HERC5: variants seen among roughly 807,000 people sequenced by gnomAD.
HERC5 encodes E3 ISG15--protein ligase HERC5.
A neutral mutation model predicts 119.6 loss-of-function variants in HERC5; 99 were observed. That is an observed-to-expected ratio of 0.83 (90% CI 0.70 to 0.98). The LOEUF is 0.98. Ranked by LOEUF, HERC5 falls within the 50% of genes least tolerant of loss-of-function variation. The pLI, the probability that HERC5 is intolerant of heterozygous loss-of-function variation, is 0.00. For missense variants in HERC5, 1,267 were observed against 1,241.3 expected (o/e 1.02, Z -0.31); for synonymous variants, 478 against 445.9 (o/e 1.07, Z -0.91).
In HERC5 at chr4:88,500,963, A is replaced by G. The variant is rs762160999; in HGVS notation, c.2560A>G (p.Ile854Val). 1.9e-5 allele frequency: 30 copies of G among 1,611,760 alleles called. No homozygotes were observed. Among genetic ancestry groups the G allele is most frequent in the South Asian group, 6.6e-5 (6 of 90,574 alleles). Residue 854 changes from isoleucine to valine, a missense_variant, in exon 20 of 23, where the codon ATA (isoleucine) becomes GTA (valine). Coordinates refer to ENST00000264350, the MANE Select transcript of HERC5 (RefSeq NM_016323.4). ...DTNLIPNGSSITVNQTNKRDY... is the reference protein window; with the variant it reads ...DTNLIPNGSSVTVNQTNKRDY... ...AAACTTAATTCCTAATGGAAGTAGC[A>G]TAACTGTCAACCAGACTAACAAGTA... is the stretch of plus-strand genomic sequence containing the variant.
chr4:88,491,555 G>A (rs564187036), intron 16 of HERC5, among the ~76,000 whole-genome samples: 83 of 152,326 alleles, frequency 5.4e-4, no homozygotes, highest in African/African-American at 1.8e-3. Flanking sequence ...TTGTGTCAAG[G>A]AAAAGGACAT....
In HERC5 at chr4:88,468,355, C is replaced by G. The variant is rs745689176; in HGVS notation, c.1067C>G (p.Thr356Ser). 2.5e-6 allele frequency: 4 copies of G among 1,609,266 alleles called. No individual in the cohort carries two copies. Among genetic ancestry groups the G allele is most frequent in the Non-Finnish European group, 2.5e-6 (3 of 1,177,370 alleles). The change falls in exon 8 of 23, where the codon ACC (threonine) becomes AGC (serine). Residue 356 changes from threonine (T) to serine (S), a missense_variant. Physicochemically the swap from Thr to Ser is moderately conservative, Grantham distance 58 (BLOSUM62 1). This residue lies in a region of HERC5 where 777 missense variants were observed against 758.0 expected (regional missense o/e 1.03). Transcript: ENST00000264350. The stretch of plus-strand genomic sequence containing the variant: ...TTGTGCATCCTTTCAGAAAGCCATA[C>G]CTCAGAAAAGGAGTTAATAATGATT... ...SSEELKLESH[T>S]SEKELIMIAG... is the part of the protein sequence containing the mutation.
chr4:88,477,745 A>G (rs1245791423), intron 12 of HERC5, among the ~76,000 whole-genome samples: 1 of 152,206 alleles, frequency 6.6e-6, no homozygotes, highest in Non-Finnish European at 1.5e-5. Context: ...GGGCATGAAT[A>G]GAGTTTAATG....
chr4:88,473,936 C>T (rs914925313), intron 11 of HERC5: 1 of 152,168 alleles, frequency 6.6e-6, no homozygotes, highest in Non-Finnish European at 1.5e-5. Context: ...TCCATTGTTT[C>T]AGAATAAGAT....
At chr4:88,503,753 A>G (rs1742015649) in intron 20 of HERC5, among the ~76,000 whole-genome samples, 2 of 152,178 alleles carry the variant, frequency 1.3e-5, no homozygotes, top group Non-Finnish European at 2.9e-5. Context: ...TATAAGCAGC[A>G]TATGATGGAG....
Position 88,489,219 on chromosome 4 carries a change from G to A in HERC5, c.2016G>A (p.Glu672=). The A allele has an allele frequency of 6.2e-7, 1 of 1,613,912 alleles. No homozygotes were observed. Among genetic ancestry groups the A allele is most frequent in the Non-Finnish European group, 8.5e-7 (1 of 1,179,904 alleles). ...LRSAAIEEER[E]SEFALRPTFD... is the part of the protein sequence containing the mutation. ...CGGCAGCAATTGAGGAAGAAAGAGAGTCTGAATTCGCTTTGAGGCCCACGT... is the reference window on the plus strand; with the variant it reads ...CGGCAGCAATTGAGGAAGAAAGAGAATCTGAATTCGCTTTGAGGCCCACGT... The change falls in exon 16 of 23, where the codon GAG becomes GAA. Residue 672 remains glutamate, a synonymous_variant. Coordinates refer to ENST00000264350, the MANE Select transcript of HERC5 (RefSeq NM_016323.4).
In HERC5 at chr4:88,504,758, A is replaced by G. The variant is rs528108820; in HGVS notation, c.2869+161A>G. ...TCCCAACATCAAAAAACAAATGTTA[A>G]TATCTATAAGCAATCTTTTCCCCTG... is the stretch of plus-strand genomic sequence containing the variant. On this transcript the variant is annotated intron_variant, in intron 22 of 22. Coordinates refer to ENST00000264350, the MANE Select transcript of HERC5 (RefSeq NM_016323.4). Among the ~76,000 whole-genome samples, 15 of 152,348 alleles carry G rather than the reference A, an allele frequency of 9.8e-5. No homozygotes were observed. The South Asian group carries it at 2.3e-3, about 23-fold the overall frequency.
At chr4:88,477,576 G>A (rs1338292531) in intron 12 of HERC5, among the ~76,000 whole-genome samples, 1 of 125,634 alleles carries the variant, frequency 8.0e-6, no homozygotes, top group African/African-American at 3.0e-5. Context: ...GGAGGGGAGG[G>A]GATGGGAAGG....
At chr4:88,473,223 G>T (rs1348700274) in intron 11 of HERC5, 1 of 151,730 alleles carries the variant, frequency 6.6e-6, no homozygotes, top group East Asian at 1.9e-4. Context: ...TTGATATGGG[G>T]ATACTACTTT....
rs1232146058 is a variant in HERC5, at chr4:88,499,984, C to A, written c.2503C>A (p.His835Asn). ...TAACTTTGAGGAAGTATTTTACATC[C>A]ATTTTAATGTGAGTAACAATAAAAG... ...GDNFEEVFYI[H>N]FNVHWDRNDT... is the part of the protein sequence containing the mutation. Residue 835 changes from histidine (H) to asparagine (N), a missense_variant, in exon 19 of 23, where the codon CAT (histidine) becomes AAT (asparagine). Physicochemically the swap from His to Asn is moderately conservative, Grantham distance 68. Coordinates refer to ENST00000264350, the MANE Select transcript of HERC5 (RefSeq NM_016323.4). 2 of 1,591,880 alleles carry A rather than the reference C, an allele frequency of 1.3e-6. No individual in the cohort carries two copies. The highest frequency in any genetic ancestry group is 1.1e-5 in the South Asian group (1 of 90,576).
intron 4 of HERC5, among the ~76,000 whole-genome samples, chr4:88,462,963 T>G (rs575269666): frequency 4.6e-5 from 7 of 152,350 alleles, no homozygotes; most frequent in African/African-American, 1.7e-4. Flanking sequence ...GCTGTGGTAC[T>G]GTATGCATTA....
At chr4:88,487,325 G>A (rs1178845649) in intron 15 of HERC5, 146 bp downstream of exon 15, 10 of 527,374 alleles carry the variant, frequency 1.9e-5, no homozygotes, top group Non-Finnish European at 3.1e-5. Flanking sequence ...TAATGAAGAC[G>A]GCAAGGCAGA....
Position 88,504,235 on chromosome 4 carries a change from A to C in HERC5, c.2586A>C (p.Arg862Ser). 1 of 1,580,054 alleles carries C rather than the reference A, an allele frequency of 6.3e-7. No individual in the cohort carries two copies. The highest frequency in any genetic ancestry group is 8.7e-7 in the Non-Finnish European group (1 of 1,155,168). ...ATAACATTTTGTTTTATTAAAGGAG[A>C]GACTATGTTTCTAAGTATATCAATT... ...SSITVNQTNK[R>S]DYVSKYINYI... The change falls in exon 21 of 23, where the codon AGA becomes AGC. Residue 862 changes from arginine to serine, a missense_variant. Coordinates refer to ENST00000264350, the MANE Select transcript of HERC5 (RefSeq NM_016323.4).
At chr4:88,486,262 A>C (rs1741461091) in intron 14 of HERC5, 34 bp downstream of exon 14, 2 of 1,271,228 alleles carry the variant, frequency 1.6e-6, no homozygotes, top group East Asian at 4.7e-5. Context: ...GGAAATTGAT[A>C]ATCAGTGAGT....
At chr4:88,457,922 A>T in intron 1 of HERC5, 12 of 1,014,222 alleles carry the variant, frequency 1.2e-5, no homozygotes, top group Non-Finnish European at 1.4e-5. Flanking sequence ...CAACTTTGGG[A>T]GTCGTTCTCA....
chr4:88,467,299 C>A, intron 7 of HERC5, 95 bp downstream of exon 7: 1 of 1,245,748 alleles, frequency 8.0e-7, no homozygotes, highest in Non-Finnish European at 1.1e-6. Flanking sequence ...CAACATATGA[C>A]TATGAAGGGA....
intron 11 of HERC5, chr4:88,473,578 T>G (rs1740950216): frequency 6.6e-6 from 1 of 152,242 alleles, no homozygotes. Context: ...TCCCTAATTA[T>G]GTACCTTTAT....
At chr4:88,475,182 T>A (rs1741015287) in intron 11 of HERC5, among the ~76,000 whole-genome samples, 1 of 151,210 alleles carries the variant, frequency 6.6e-6, no homozygotes, top group Non-Finnish European at 1.5e-5. Context: ...ATTTTTACTC[T>A]TGAAAAAAGA....
intron 1 of HERC5, 79 bp downstream of exon 1, chr4:88,457,613 G>T: frequency 8.3e-7 from 1 of 1,211,094 alleles, no homozygotes; most frequent in South Asian, 4.1e-5. Flanking sequence ...GGCAGCCGGG[G>T]GTCCGCGCCT....
Sources: gnomAD v4.1 joint callset for allele counts (sites outside exome capture counted in the v4.1 genomes callset) on GRCh38, gnomAD v4.1.1 for gene constraint, gnomAD v4.1.1 regional missense constraint, MANE v1.5 for transcripts, NCBI Gene and HGNC (gene_info 2026-07-23, HGNC 2026-07-21) for gene names.